INVS: variants seen among roughly 807,000 people sequenced by gnomAD.
INVS encodes inversin.
INVS carries 86 observed loss-of-function variants against 108.8 expected under a neutral mutation model. The observed-to-expected ratio is 0.79, with a 90% confidence interval of 0.66 to 0.95. INVS has a LOEUF of 0.95. INVS is among the 40% of genes least tolerant of loss of function. INVS has a pLI of 0.00. For synonymous variants in INVS, 455 were observed against 473.5 expected, an observed-to-expected ratio of 0.96 and a Z score of 0.51; for missense variants, 1,169 against 1,297.4, an observed-to-expected ratio of 0.90 and a Z score of 1.52.
intron 3 of INVS, among the ~76,000 whole-genome samples, chr9:100,150,199 T>G (rs541658667): frequency 1.3e-3 from 196 of 152,342 alleles, no homozygotes; most frequent in African/African-American, 4.4e-3. Flanking sequence ...TAGAGCAGCC[T>G]TGAAGATTTT....
chr9:100,215,080 T>C (rs1180196021), intron 3 of INVS: 1 of 152,196 alleles, frequency 6.6e-6, no homozygotes, highest in African/African-American at 2.4e-5. Context: ...CTATTATGTC[T>C]TCCATTTTGG....
intron 3 of INVS, among the ~76,000 whole-genome samples, chr9:100,187,087 T>C (rs1333045196): frequency 6.6e-6 from 1 of 152,172 alleles, no homozygotes; most frequent in Admixed American, 6.5e-5. Flanking sequence ...CGTATCCAGT[T>C]TTCCCAGCAT....
chr9:100,179,264 A>G (rs948773227), intron 3 of INVS, among the ~76,000 whole-genome samples: 8 of 152,234 alleles, frequency 5.3e-5, no homozygotes, highest in Non-Finnish European at 1.0e-4. Flanking sequence ...CATCACAATG[A>G]CAGGATCAAA....
At position 100,126,442 on chromosome 9, in the gene INVS, G is replaced by T; in HGVS notation, c.166G>T (p.Val56Leu). 3 of 1,614,060 alleles carry T rather than the reference G, an allele frequency of 1.9e-6. No individual in the cohort carries two copies. The highest frequency in any genetic ancestry group is 2.5e-6 in the Non-Finnish European group (3 of 1,179,924). The change falls in exon 3 of 17, where the codon GTG becomes TTG. Residue 56 changes from valine (V) to leucine (L), a missense_variant. Physicochemically the swap from Val to Leu is conservative, Grantham distance 32 (BLOSUM62 1). Transcript: ENST00000262457. ...QFGRTPLMYC[V>L]LADRLDCADA... Reference sequence around the variant, plus strand: ...TGGGAGAACACCACTTATGTATTGCGTGTTGGCTGACAGATTGGATTGTGC... The same window carrying T: ...TGGGAGAACACCACTTATGTATTGCTTGTTGGCTGACAGATTGGATTGTGC...
intron 3 of INVS, among the ~76,000 whole-genome samples, chr9:100,162,277 A>G (rs770467503): frequency 6.6e-5 from 10 of 152,230 alleles, no homozygotes; most frequent in Non-Finnish European, 8.8e-5. Flanking sequence ...TACGAATAAC[A>G]TAAAAGTGGC....
chr9:100,266,596 C>A (rs1832800568), intron 11 of INVS, among the ~76,000 whole-genome samples: 2 of 152,148 alleles, frequency 1.3e-5, no homozygotes, highest in African/African-American at 4.8e-5. Context: ...TTTACTGCAA[C>A]CTGTTTTATC....
chr9:100,299,130 T>A (rs1302431988), intron 16 of INVS, among the ~76,000 whole-genome samples: 1 of 152,174 alleles, frequency 6.6e-6, no homozygotes, highest in East Asian at 1.9e-4. Flanking sequence ...GTAAATAAAT[T>A]CAAATCAATA....
intron 3 of INVS, among the ~76,000 whole-genome samples, chr9:100,192,672 A>G (rs762794758): frequency 3.3e-5 from 5 of 152,214 alleles, no homozygotes; most frequent in Non-Finnish European, 7.3e-5. Context: ...ACTCTGACCA[A>G]CAACACAGTA....
At chr9:100,287,776 T>C (rs1833491695) in intron 13 of INVS, among the ~76,000 whole-genome samples, 1 of 152,228 alleles carries the variant, frequency 6.6e-6, no homozygotes, top group Admixed American at 6.5e-5. Flanking sequence ...TAAACCTCTT[T>C]TCTTTATAAA....
In INVS at chr9:100,298,171, C is replaced by G. The variant is rs766200486; in HGVS notation, c.3091+161C>G. The stretch of plus-strand genomic sequence containing the variant: ...ATTACTGTAGCCAACATCTGTCTCC[C>G]TAAGAGGCAAATTATTTTCACAACT... On this transcript the variant is annotated intron_variant, in intron 16 of 16. Coordinates refer to ENST00000262457, the MANE Select transcript of INVS (RefSeq NM_014425.5). 4 of 1,521,956 alleles carry G rather than the reference C, an allele frequency of 2.6e-6. No individual in the cohort carries two copies. The Admixed American group carries it at 6.4e-5, about 24-fold the overall frequency. 94.3% of individuals were successfully genotyped at this position (1,521,956 alleles called of 1,614,324 possible).
intron 3 of INVS, among the ~76,000 whole-genome samples, chr9:100,213,437 C>T (rs1254416569): frequency 6.6e-6 from 1 of 151,832 alleles, no homozygotes; most frequent in East Asian, 1.9e-4. Flanking sequence ...AACTCCTGGG[C>T]TCGAGTGATC....
chr9:100,292,093 T>C (rs1389820793), intron 13 of INVS, among the ~76,000 whole-genome samples: 1 of 152,220 alleles, frequency 6.6e-6, no homozygotes, highest in Non-Finnish European at 1.5e-5. Flanking sequence ...CTTAAAGGCA[T>C]GACAGTGCTT....
intron 3 of INVS, among the ~76,000 whole-genome samples, chr9:100,197,568 A>G (rs1261531507): frequency 6.6e-6 from 1 of 152,206 alleles, no homozygotes; most frequent in Non-Finnish European, 1.5e-5. Flanking sequence ...AAGCCTCCAC[A>G]TATTCAGCTA....
At chr9:100,100,982 TAA>T (rs1826955489) in intron 1 of INVS, among the ~76,000 whole-genome samples, 1 of 76,182 alleles carries the variant, frequency 1.3e-5, no homozygotes, top group Non-Finnish European at 2.2e-5. Flanking sequence ...ATTATATATA[TAA>T]TATATATGTA....
intron 12 of INVS, among the ~76,000 whole-genome samples, chr9:100,275,468 G>A (rs1833084936): frequency 6.6e-6 from 1 of 152,108 alleles, no homozygotes; most frequent in Admixed American, 6.5e-5. Context: ...TACTTAAGTG[G>A]TGGAGAAACT....
chr9:100,243,101 A>C (rs1163939681), intron 7 of INVS, among the ~76,000 whole-genome samples: 1 of 152,112 alleles, frequency 6.6e-6, no homozygotes, highest in Non-Finnish European at 1.5e-5. Context: ...TTTAATGTTA[A>C]GCATAACATT....
chr9:100,210,907 T>C (rs533571295), intron 3 of INVS, among the ~76,000 whole-genome samples: 1 of 152,176 alleles, frequency 6.6e-6, no homozygotes, highest in South Asian at 2.1e-4. Context: ...GAACAGACTT[T>C]TTTTTTAAGC....
At chr9:100,257,900 C>G (rs560241938) in intron 10 of INVS, among the ~76,000 whole-genome samples, 23 of 152,288 alleles carry the variant, frequency 1.5e-4, no homozygotes, top group Non-Finnish European at 2.2e-4. Flanking sequence ...AGTTGCTCTT[C>G]TCGAGGAGTA....
chr9:100,119,774 T>C (rs1471552939), intron 2 of INVS, among the ~76,000 whole-genome samples: 1 of 152,176 alleles, frequency 6.6e-6, no homozygotes, highest in African/African-American at 2.4e-5. Flanking sequence ...TTAGCCAGGA[T>C]GTCTCAATCT....
Sources: allele counts gnomAD v4.1 joint callset (sites outside exome capture counted in the v4.1 genomes callset), GRCh38; gene constraint gnomAD v4.1.1; transcripts MANE v1.5; gene names NCBI Gene and HGNC (gene_info 2026-07-23, HGNC 2026-07-21).